Variants in TOLLIP observed in about 807,000 individuals in gnomAD.
TOLLIP encodes toll interacting protein, also known as toll-interacting protein.
In TOLLIP, 16 loss-of-function variants were observed where a neutral mutation model predicts 33.5. The ratio of observed to expected loss-of-function variants is 0.48; its 90% CI spans 0.32 to 0.72. The LOEUF is 0.72. Among genes scored for constraint, TOLLIP ranks in the 30% least tolerant of loss-of-function variants. The pLI, the probability that TOLLIP is intolerant of heterozygous loss-of-function variation, is 0.03. For missense variants in TOLLIP, 325 were observed against 396.6 expected, an observed-to-expected ratio of 0.82 and a Z score of 1.53; for synonymous variants, 176 against 163.7, an observed-to-expected ratio of 1.07 and a Z score of -0.57.
intron 1 of TOLLIP, among the ~76,000 whole-genome samples, chr11:1,301,140 C>CA (rs1157551626): frequency 1.3e-5 from 2 of 152,260 alleles, no homozygotes; most frequent in Non-Finnish European, 2.9e-5. Flanking sequence ...TGTAATGTAT[C>CA]AAATCACACG....
chr11:1,304,221 G>A (rs1170347364), intron 1 of TOLLIP, among the ~76,000 whole-genome samples: 4 of 152,042 alleles, frequency 2.6e-5, no homozygotes, highest in African/African-American at 9.7e-5. Context: ...GAGGCACTGA[G>A]GACAAGTGAC....
chr11:1,297,818 C>A (rs5743930), intron 1 of TOLLIP, among the ~76,000 whole-genome samples: 1 of 152,230 alleles, frequency 6.6e-6, no homozygotes, highest in Non-Finnish European at 1.5e-5. Context: ...TCTCTCGAGG[C>A]GCTGTACAGC....
intron 4 of TOLLIP, among the ~76,000 whole-genome samples, chr11:1,287,103 A>G (rs887337363): frequency 1.3e-5 from 2 of 151,194 alleles, no homozygotes; most frequent in Non-Finnish European, 2.9e-5. Flanking sequence ...CTGAGTTCAA[A>G]ACTGTCAGCT....
rs967690946 is a variant in TOLLIP, at chr11:1,278,625, T to A, written c.611-1372A>T. Among the ~76,000 whole-genome samples, 3 of 152,102 alleles carry A rather than the reference T, an allele frequency of 2.0e-5. No individual in the cohort carries two copies. The highest frequency in any genetic ancestry group is 7.2e-5 in the African/African-American group (3 of 41,410). The stretch of plus-strand genomic sequence containing the variant: ...CACACCCACCCCTGCCTCCTCTGCT[T>A]CTCGGCTCTCTCAGGGCCAGGCCCA... On this transcript the variant is annotated intron_variant, in intron 5 of 5. Coordinates refer to ENST00000317204, the MANE Select transcript of TOLLIP (RefSeq NM_019009.4). The surrounding 1 kb of genome is among the most constrained non-coding windows in gnomAD (Gnocchi z 4.7).
Position 1,295,657 on chromosome 11 carries a change from G to C in TOLLIP, c.171C>G (p.Ile57Met), listed in dbSNP as rs1864089774. Reference sequence around the variant, plus strand: ...CCCCAAGGCCCACCTGTACCACCGTGATGTTCAGTCGGCCCACGGTGCCCA... The same window carrying C: ...CCCCAAGGCCCACCTGTACCACCGTCATGTTCAGTCGGCCCACGGTGCCCA... The part of the protein sequence containing the change: ...GAVGTVGRLN[I>M]TVVQAKLAKN... The change falls in exon 2 of 6, where the codon ATC becomes ATG. Residue 57 changes from isoleucine to methionine, a missense_variant. Transcript: ENST00000317204. The C allele has an allele frequency of 6.3e-7, 1 of 1,588,862 alleles. No homozygotes were observed. The highest frequency in any genetic ancestry group is 1.3e-5 in the African/African-American group (1 of 74,520).
At position 1,290,435 on chromosome 11, in the gene TOLLIP, A is replaced by C. The variant is rs779024062; in HGVS notation, c.184-26T>G. 2 of 1,606,736 alleles carry C rather than the reference A, an allele frequency of 1.2e-6. No individual in the cohort carries two copies. Among genetic ancestry groups the C allele is most frequent in the Admixed American group, 1.7e-5 (1 of 59,900 alleles). ...CTGGAATGAAGCCAATGTCAGGAAA[A>C]GGAGGTGCCAACCATCAGGAGAGGG... On this transcript the variant is annotated intron_variant, in intron 2 of 5. Coordinates refer to ENST00000317204, the MANE Select transcript of TOLLIP (RefSeq NM_019009.4). This position sits in a 1 kb window ranked among gnomAD's most constrained non-coding sequence, Gnocchi z 4.9.
At chr11:1,285,923 C>T in intron 5 of TOLLIP, 79 bp downstream of exon 5, 2 of 1,173,248 alleles carry the variant, frequency 1.7e-6, no homozygotes, top group Non-Finnish European at 2.4e-6. Flanking sequence ...GCTCTAAGCC[C>T]CGTTCCCTCC....
Position 1,274,371 on chromosome 11 carries a change from TA to T in TOLLIP, c.*2667del, listed in dbSNP as rs1346214069. On this transcript the variant is annotated 3_prime_UTR_variant, in exon 6 of 6. Transcript: ENST00000317204. ...AAAAAATACTCGGGAACAAACATGG[TA>T]AACCTTCCCTTAAAGGACTTTATTT... is the stretch of plus-strand genomic sequence containing the variant. 7 of 152,244 alleles carry T rather than the reference TA, an allele frequency of 4.6e-5. No individual in the cohort carries two copies. Among genetic ancestry groups the T allele is most frequent in the Admixed American group, 3.9e-4 (6 of 15,290 alleles). The allele number at this position is 152,244 out of a possible 1,614,324, so 9.4% of individuals were successfully genotyped here.
chr11:1,281,890 C>T (rs1250687288), intron 5 of TOLLIP, among the ~76,000 whole-genome samples: 3 of 152,216 alleles, frequency 2.0e-5, no homozygotes, highest in Non-Finnish European at 2.9e-5. Context: ...CCTAGTCGGC[C>T]CGAGACGCCC....
chr11:1,289,444 T>A (rs1863858524), intron 3 of TOLLIP, among the ~76,000 whole-genome samples: 1 of 152,122 alleles, frequency 6.6e-6, no homozygotes, highest in Non-Finnish European at 1.5e-5. Flanking sequence ...CCTCTGACCT[T>A]CTGACTCTGC....
chr11:1,305,851 C>A (rs2133934898), intron 1 of TOLLIP: 1 of 152,414 alleles, frequency 6.6e-6, no homozygotes, highest in East Asian at 1.9e-4. Flanking sequence ...TCTGACGGCA[C>A]CGCGGTGGCT....
chr11:1,306,489 C>G (rs1403752757), intron 1 of TOLLIP, among the ~76,000 whole-genome samples: 1 of 152,162 alleles, frequency 6.6e-6, no homozygotes, highest in Non-Finnish European at 1.5e-5. Flanking sequence ...TGCTGGAAAG[C>G]TGAGCGAGCG....
intron 1 of TOLLIP, among the ~76,000 whole-genome samples, chr11:1,299,538 T>C (rs887677349): frequency 1.3e-5 from 2 of 152,222 alleles, no homozygotes; most frequent in East Asian, 3.8e-4. Context: ...ATTTTTGCCA[T>C]ATGATGATGG....
At position 1,303,713 on chromosome 11, in the gene TOLLIP, G is replaced by T. The variant is rs1036141808; in HGVS notation, c.33+5753C>A. 6.6e-6 allele frequency among the ~76,000 whole-genome samples: 1 copy of T among 152,226 alleles called. No individual in the cohort carries two copies. The highest frequency in any genetic ancestry group is 1.5e-5 in the Non-Finnish European group (1 of 68,038). Reference sequence around the variant, plus strand: ...GCCTAACCAGGGGCCTGTCGGGCAGGTCAAGGGACAGTGTTAGAGGCCCAG... The same window carrying T: ...GCCTAACCAGGGGCCTGTCGGGCAGTTCAAGGGACAGTGTTAGAGGCCCAG... On this transcript the variant is annotated intron_variant, in intron 1 of 5. Coordinates refer to ENST00000317204, the MANE Select transcript of TOLLIP (RefSeq NM_019009.4). The surrounding 1 kb of genome is among the most constrained non-coding windows in gnomAD (Gnocchi z 4.2).
intron 1 of TOLLIP, among the ~76,000 whole-genome samples, chr11:1,297,208 G>T (rs1864138280): frequency 6.6e-6 from 1 of 152,184 alleles, no homozygotes; most frequent in African/African-American, 2.4e-5. Flanking sequence ...ATGCACACCA[G>T]AAACCCGTAC....
intron 4 of TOLLIP, among the ~76,000 whole-genome samples, chr11:1,286,512 A>G (rs1564968583): frequency 6.6e-6 from 1 of 152,208 alleles, no homozygotes; most frequent in Non-Finnish European, 1.5e-5. Context: ...ACTGTGGATA[A>G]GTCACTGCAC....
chr11:1,280,004 C>T (rs1173788170), intron 5 of TOLLIP, among the ~76,000 whole-genome samples: 1 of 152,234 alleles, frequency 6.6e-6, no homozygotes, highest in Non-Finnish European at 1.5e-5. Context: ...GCTTCTCACT[C>T]CACAGAGCGT....
At chr11:1,281,913 C>T (rs767682183) in intron 5 of TOLLIP, among the ~76,000 whole-genome samples, 3 of 152,226 alleles carry the variant, frequency 2.0e-5, no homozygotes, top group African/African-American at 7.2e-5. Flanking sequence ...AGCACGCAGC[C>T]GCCAGCCTCT....
At position 1,309,467 on chromosome 11, in the gene TOLLIP, G is replaced by C. The variant is rs1316668634; in HGVS notation, c.32C>G (p.Pro11Arg). The C allele has an allele frequency of 7.1e-5, 94 of 1,329,458 alleles. No individual in the cohort carries two copies. The highest frequency in any genetic ancestry group is 8.5e-5 in the Non-Finnish European group (88 of 1,034,340). 82.4% of individuals were successfully genotyped at this position (1,329,458 alleles called of 1,614,324 possible). A position where few individuals can be genotyped will look rare whatever the true frequency, so the allele number is the denominator to read the frequency against. MATTVSTQRG[P>R]VYIGELPQDF... ...CCGACCCTCGCCCGGCTGCCTCACC[G>C]GCCCGCGCTGAGTGCTGACGGTGGT... Residue 11 changes from proline to arginine, a missense_variant and splice_region_variant, in exon 1 of 6, where the codon CCG becomes CGG. Physicochemically the swap from Pro to Arg is moderately radical, Grantham distance 103. Coordinates refer to ENST00000317204, the MANE Select transcript of TOLLIP (RefSeq NM_019009.4).
Sources: gnomAD v4.1 joint callset for allele counts (sites outside exome capture counted in the v4.1 genomes callset) on GRCh38, gnomAD v4.1.1 for gene constraint, Gnocchi (gnomAD v3.1) non-coding constraint, MANE v1.5 for transcripts, NCBI Gene and HGNC (gene_info 2026-07-23, HGNC 2026-07-21) for gene names.